NFE2L1: variants seen among roughly 807,000 people sequenced by gnomAD.
NFE2L1 encodes endoplasmic reticulum membrane sensor NFE2L1.
A neutral mutation model predicts 61.6 loss-of-function variants in NFE2L1; 18 were observed. The observed-to-expected ratio is 0.29, with a 90% CI of 0.20 to 0.43. The LOEUF (loss-of-function observed/expected upper bound fraction) is 0.43. Among genes scored for constraint, NFE2L1 ranks in the 20% least tolerant of loss-of-function variants. The pLI, the probability that NFE2L1 is intolerant of heterozygous loss-of-function variation, is 1.00. For synonymous variants in NFE2L1, 419 were observed against 402.7 expected (o/e 1.04, Z -0.48); for missense variants, 827 against 973.5 (o/e 0.85, Z 2.00).
In NFE2L1 at chr17:48,059,789, AG is replaced by A; in HGVS notation, c.*150del. The A allele has an allele frequency of 8.2e-7, 1 of 1,217,006 alleles. No homozygotes were observed. Among genetic ancestry groups the A allele is most frequent in the Non-Finnish European group, 1.1e-6 (1 of 905,092 alleles). 75.4% of individuals were successfully genotyped at this position (1,217,006 alleles called of 1,614,324 possible). A position where few individuals can be genotyped will look rare whatever the true frequency, so the allele number is the denominator to read the frequency against. The stretch of plus-strand genomic sequence containing the variant: ...ATGGGATGACTGCGGGTCAGTGTAC[AG>A]GAAGAGGCAGGCACTGGCTGGCTCA... On this transcript the variant is annotated 3_prime_UTR_variant, in exon 6 of 6. Coordinates refer to ENST00000362042, the MANE Select transcript of NFE2L1 (RefSeq NM_003204.3). This position sits in a 1 kb window ranked among gnomAD's most constrained non-coding sequence, Gnocchi z 6.1.
chr17:48,052,691 G>A (rs894206237), intron 2 of NFE2L1, among the ~76,000 whole-genome samples: 8 of 152,194 alleles, frequency 5.3e-5, no homozygotes, highest in Non-Finnish European at 1.2e-4. Context: ...TCAACTGGGG[G>A]TGATTTTGTC....
chr17:48,060,036 A>ACCCCCC lies in NFE2L1; in HGVS notation c.*403_*408dup, dbSNP rs61059322. The stretch of plus-strand genomic sequence containing the variant: ...AGGGATAGAAGGAAGGAAGGAAGGA[A>ACCCCCC]CCCCCCCCCCCCCGAAAAAAAAATC... On this transcript the variant is annotated 3_prime_UTR_variant, in exon 6 of 6. Transcript: ENST00000362042. The ACCCCCC allele has an allele frequency of 7.8e-4, 32 of 40,850 alleles. 3 individuals are homozygous for ACCCCCC. The highest frequency in any genetic ancestry group is 2.8e-3 in the South Asian group (2 of 726). The allele number at this position is 40,850 out of a possible 1,614,324, so 2.5% of individuals were successfully genotyped here.
Position 48,050,982 on chromosome 17 carries a change from G to C in NFE2L1, c.-137G>C. The C allele has an allele frequency of 9.5e-7, 1 of 1,048,240 alleles. No individual in the cohort carries two copies. The highest frequency in any genetic ancestry group is 1.5e-5 in the South Asian group (1 of 68,052). The allele number at this position is 1,048,240 out of a possible 1,614,324, so 64.9% of individuals were successfully genotyped here. ...GGGGCCGTCAGGGAGCTCATCCCTT[G>C]TGTTCTGCCAGGGTGGGGTACGGGG... On this transcript the variant is annotated 5_prime_UTR_variant, in exon 2 of 6. Coordinates refer to ENST00000362042, the MANE Select transcript of NFE2L1 (RefSeq NM_003204.3).
At chr17:48,054,760 C>T (rs2037349271) in intron 2 of NFE2L1, 20 of 1,271,658 alleles carry the variant, frequency 1.6e-5, no homozygotes, top group Non-Finnish European at 2.0e-5. Context: ...GCAGCCTCTG[C>T]GGTGAGCTCA....
At chr17:48,050,246 A>G (rs1452274388) in intron 1 of NFE2L1, among the ~76,000 whole-genome samples, 2 of 152,196 alleles carry the variant, frequency 1.3e-5, no homozygotes, top group Non-Finnish European at 2.9e-5. Flanking sequence ...TGGGGGGCCG[A>G]GGCGGGCAGA....
chr17:48,051,350 T>C lies in NFE2L1; in HGVS notation c.232T>C (p.Phe78Leu), dbSNP rs780574738. 1.2e-6 allele frequency: 2 copies of C among 1,614,132 alleles called. No homozygotes were observed. Among genetic ancestry groups the C allele is most frequent in the African/African-American group, 1.3e-5 (1 of 75,032 alleles). The change falls in exon 2 of 6, where the codon TTC becomes CTC. Residue 78 changes from phenylalanine (F) to leucine (L), a missense_variant. Phe to Leu is a conservative substitution (Grantham distance 22, BLOSUM62 0). Around this residue, in one of 3 missense-constraint regions of NFE2L1, gnomAD observed 667 missense variants for 748.4 expected, o/e 0.89. Coordinates refer to ENST00000362042, the MANE Select transcript of NFE2L1 (RefSeq NM_003204.3). Reference sequence around the variant, plus strand: ...CAAGAGCATAGACCTGGACAATTACTTCACTGCCCGGCGGCTCCTCAGTCA... The same window carrying C: ...CAAGAGCATAGACCTGGACAATTACCTCACTGCCCGGCGGCTCCTCAGTCA... ...HPKSIDLDNYFTARRLLSQVR... is the reference protein window; with the variant it reads ...HPKSIDLDNYLTARRLLSQVR...
intron 2 of NFE2L1, chr17:48,055,084 C>G (rs2037362413): frequency 6.8e-7 from 1 of 1,473,942 alleles, no homozygotes; most frequent in African/African-American, 1.4e-5. Context: ...GGCCCCTTAA[C>G]TCTTTGCTGG....
chr17:48,058,323 A>G lies in NFE2L1; in HGVS notation c.1001A>G (p.Glu334Gly), dbSNP rs140321368. The G allele has an allele frequency of 2.8e-5, 45 of 1,603,180 alleles. No individual in the cohort carries two copies. In the African/African-American group the frequency reaches 5.6e-4, roughly 20 times the overall value. The change falls in exon 6 of 6, where the codon GAA becomes GGA. Residue 334 changes from glutamate (E) to glycine (G), a missense_variant. Glu to Gly is a moderately conservative substitution (Grantham distance 98, BLOSUM62 -2). Around this residue, in one of 3 missense-constraint regions of NFE2L1, gnomAD observed 667 missense variants for 748.4 expected, o/e 0.89. Transcript: ENST00000362042. ...QAMEVNTSAS[E>G]ILYSAPPGDP... ...ATGGAAGTGAACACATCAGCAAGTGAAATCCTGTACAGTGCCCCTCCTGGA... is the reference window on the plus strand; with the variant it reads ...ATGGAAGTGAACACATCAGCAAGTGGAATCCTGTACAGTGCCCCTCCTGGA...
At position 48,058,624 on chromosome 17, in the gene NFE2L1, G is replaced by A; in HGVS notation, c.1302G>A (p.Leu434=). The change falls in exon 6 of 6, where the codon CTG becomes CTA. Residue 434 remains leucine, a synonymous_variant. Coordinates refer to ENST00000362042, the MANE Select transcript of NFE2L1 (RefSeq NM_003204.3). The part of the protein sequence containing the change: ...GTANDTAGPE[L]PDPLGGLLDE... ...CCAATGACACAGCAGGCCCAGAGCT[G>A]CCTGACCCTTTGGGGGGTCTGTTAG... The A allele has an allele frequency of 6.2e-7, 1 of 1,614,144 alleles. No individual in the cohort carries two copies. The highest frequency in any genetic ancestry group is 8.5e-7 in the Non-Finnish European group (1 of 1,180,004).
At chr17:48,054,753 G>A (rs576048149) in intron 2 of NFE2L1, 30 of 1,295,024 alleles carry the variant, frequency 2.3e-5, no homozygotes, top group Non-Finnish European at 2.7e-5. Context: ...TCTCACTGCA[G>A]CCTCTGCGGT....
rs1211480882 is a variant in NFE2L1, at chr17:48,051,185, G to A, written c.67G>A (p.Gly23Arg). The A allele has an allele frequency of 1.2e-6, 2 of 1,614,070 alleles. No individual in the cohort carries two copies. The highest frequency in any genetic ancestry group is 2.2e-5 in the East Asian group (1 of 44,898). ...GTTCACCATTCTGCTGAGTTTGATT[G>A]GGGTACGGGTGGACGTGGATACTTA... Reference protein sequence around the residue: ...LQFTILLSLIGVRVDVDTYLT... With the variant: ...LQFTILLSLIRVRVDVDTYLT... Residue 23 changes from glycine to arginine, a missense_variant, in exon 2 of 6, where the codon GGG becomes AGG. By Grantham distance (125) the Gly-to-Arg change is moderately radical. Coordinates refer to ENST00000362042, the MANE Select transcript of NFE2L1 (RefSeq NM_003204.3).
At chr17:48,055,204 G>A (rs974987768) in intron 2 of NFE2L1, 7 of 1,247,408 alleles carry the variant, frequency 5.6e-6, no homozygotes, top group Non-Finnish European at 7.0e-6. Context: ...TTAGGGTCAG[G>A]GGGGGTTAAT....
rs369177553 is a variant in NFE2L1, at chr17:48,059,510, G to A, written c.2188G>A (p.Gly730Arg). 9 of 1,613,886 alleles carry A rather than the reference G, an allele frequency of 5.6e-6. No individual in the cohort carries two copies. Among genetic ancestry groups the A allele is most frequent in the East Asian group, 2.2e-5 (1 of 44,876 alleles). ...GTTTGGGCGGCTGCGAGATGAGAAC[G>A]GACGACCCTACTCGCCCAGTCAGTA... Reference protein sequence around the residue: ...EVFGRLRDENGRPYSPSQYAL... With the variant: ...EVFGRLRDENRRPYSPSQYAL... The change falls in exon 6 of 6, where the codon GGA (glycine) becomes AGA (arginine). Residue 730 changes from glycine (G) to arginine (R), a missense_variant. This residue lies in a region of NFE2L1 where 86 missense variants were observed against 97.3 expected (regional missense o/e 0.88). Transcript: ENST00000362042. This position sits in a 1 kb window ranked among gnomAD's most constrained non-coding sequence, Gnocchi z 6.1.
intron 2 of NFE2L1, chr17:48,054,422 A>C: frequency 7.3e-6 from 2 of 274,012 alleles, no homozygotes; most frequent in East Asian, 7.6e-5. Context: ...GCAGCTAGGT[A>C]ACAGGCGGTG....
In NFE2L1 at chr17:48,057,102, C is replaced by G. The variant is rs778375849; in HGVS notation, c.794C>G (p.Pro265Arg). The G allele has an allele frequency of 2.6e-5, 42 of 1,613,358 alleles. No homozygotes were observed. The highest frequency in any genetic ancestry group is 2.5e-4 in the South Asian group (23 of 91,014). ...ECLRLLEATCPFGENAEFPAD... is the reference protein window; with the variant it reads ...ECLRLLEATCRFGENAEFPAD... ...CTTAGGCTGCTGGAAGCCACCTGCC[C>G]CTTTGGGGAGAATGCTGAGGTGAGC... The change falls in exon 4 of 6, where the codon CCC becomes CGC. Residue 265 changes from proline to arginine, a missense_variant. By Grantham distance (103) the Pro-to-Arg change is moderately radical. Coordinates refer to ENST00000362042, the MANE Select transcript of NFE2L1 (RefSeq NM_003204.3).
intron 2 of NFE2L1, among the ~76,000 whole-genome samples, chr17:48,053,851 G>A (rs2037319651): frequency 6.6e-6 from 1 of 152,114 alleles, no homozygotes; most frequent in African/African-American, 2.4e-5. Flanking sequence ...AAGGGGAGGG[G>A]GGACATTTGT....
At chr17:48,058,228 G>A (rs1325485923) in intron 5 of NFE2L1, 67 bp from the exon 6 acceptor site, 3 of 1,512,126 alleles carry the variant, frequency 2.0e-6, no homozygotes, top group Non-Finnish European at 2.7e-6. Flanking sequence ...TTGGGTGCCT[G>A]CAGTGTGTGA....
chr17:48,050,476 C>G, intron 1 of NFE2L1, 131 bp from the exon 2 acceptor site: 1 of 383,178 alleles, frequency 2.6e-6, no homozygotes, highest in Non-Finnish European at 4.6e-6. Context: ...GAGACTCTGT[C>G]TCAAAAAAAA....
chr17:48,059,945 G>A lies in NFE2L1; in HGVS notation c.*304G>A, dbSNP rs745739958. 6 of 314,492 alleles carry A rather than the reference G, an allele frequency of 1.9e-5. 1 individual carries two copies. Among genetic ancestry groups the A allele is most frequent in the Non-Finnish European group, 3.5e-5 (6 of 172,150 alleles). The allele number at this position is 314,492 out of a possible 1,614,324, so 19.5% of individuals were successfully genotyped here. A position where few individuals can be genotyped will look rare whatever the true frequency, so the allele number is the denominator to read the frequency against. On this transcript the variant is annotated 3_prime_UTR_variant, in exon 6 of 6. Transcript: ENST00000362042. The surrounding 1 kb of genome is among the most constrained non-coding windows in gnomAD (Gnocchi z 6.1). ...AGAGGAGCTATGTGGAGCAAAGGCC[G>A]ACAGAGGGGAAGGAATGGACCTGTG...
Sources: gnomAD v4.1 joint callset for allele counts (sites outside exome capture counted in the v4.1 genomes callset) on GRCh38, gnomAD v4.1.1 for gene constraint, gnomAD v4.1.1 regional missense constraint, Gnocchi (gnomAD v3.1) non-coding constraint, MANE v1.5 for transcripts, NCBI Gene and HGNC (gene_info 2026-07-23, HGNC 2026-07-21) for gene names.